APP: variants seen among roughly 807,000 people sequenced by gnomAD.
APP encodes amyloid-beta precursor protein.
In APP, 31 loss-of-function variants were observed where a neutral mutation model predicts 101.4. The observed-to-expected ratio is 0.31, with a 90% confidence interval of 0.23 to 0.41. The LOEUF is 0.41. Ranked by LOEUF, APP falls within the 10% of genes least tolerant of loss-of-function variation. The pLI is 1.00. For synonymous variants in APP, 366 were observed against 364.4 expected, an observed-to-expected ratio of 1.00 and a Z score of -0.05; for missense variants, 839 against 1,003.7, an observed-to-expected ratio of 0.84 and a Z score of 2.22.
chr21:26,043,857 T>C (rs1388346984), intron 5 of APP, among the ~76,000 whole-genome samples: 4 of 3,616 alleles, frequency 1.1e-3, no homozygotes, highest in African/African-American at 4.7e-3. Context: ...TATCCATTCA[T>C]AGAGAAAAAG....
chr21:26,063,869 A>C (rs1330381899), intron 3 of APP, among the ~76,000 whole-genome samples: 3 of 152,236 alleles, frequency 2.0e-5, no homozygotes, highest in Admixed American at 6.5e-5. Flanking sequence ...GTAATTTTCA[A>C]GTGGAGAAAC....
chr21:25,887,983 TC>T (rs2037450431), intron 17 of APP, among the ~76,000 whole-genome samples: 1 of 152,162 alleles, frequency 6.6e-6, no homozygotes, highest in South Asian at 2.1e-4. Flanking sequence ...TTCCTAGGGT[TC>T]CTATCTCTGT....
chr21:26,015,096 CAT>C (rs1375762703), intron 6 of APP, among the ~76,000 whole-genome samples: 2 of 152,152 alleles, frequency 1.3e-5, no homozygotes, highest in African/African-American at 2.4e-5. Context: ...TTAATCATAA[CAT>C]AATGTTCTCT....
Position 26,170,770 on chromosome 21 carries a change from C to T in APP, c.-150G>A. On this transcript the variant is annotated 5_prime_UTR_variant, in exon 1 of 18. Transcript: ENST00000346798. Reference sequence around the variant, plus strand: ...CGCCTACCGCTGCCGAGGAAACTGACGGAGCCCGAGCGCGGCGGCGGGGCT... The same window carrying T: ...CGCCTACCGCTGCCGAGGAAACTGATGGAGCCCGAGCGCGGCGGCGGGGCT... The T allele has an allele frequency of 1.2e-6, 1 of 835,986 alleles. No homozygotes were observed. The highest frequency in any genetic ancestry group is 1.7e-6 in the Non-Finnish European group (1 of 586,198). The allele number at this position is 835,986 out of a possible 1,614,324, so 51.8% of individuals were successfully genotyped here.
At chr21:26,105,202 A>G (rs1246769971) in intron 2 of APP, among the ~76,000 whole-genome samples, 2 of 152,170 alleles carry the variant, frequency 1.3e-5, no homozygotes, top group African/African-American at 4.8e-5. Flanking sequence ...GTTCAATAAT[A>G]AGAAAAACAT....
At chr21:26,088,229 A>T (rs1228596784) in intron 3 of APP, among the ~76,000 whole-genome samples, 1 of 152,198 alleles carries the variant, frequency 6.6e-6, no homozygotes, top group Non-Finnish European at 1.5e-5. Context: ...GGTTCAAAGG[A>T]TATTTGCTAC....
chr21:25,999,866 C>G, intron 7 of APP, 149 bp downstream of exon 7: 1 of 907,110 alleles, frequency 1.1e-6, no homozygotes, highest in South Asian at 1.4e-5. Flanking sequence ...ACTGCGGAGA[C>G]TCTGAGCAAT....
chr21:26,117,319 T>A (rs1698084669), intron 1 of APP, among the ~76,000 whole-genome samples: 1 of 152,284 alleles, frequency 6.6e-6, no homozygotes, highest in South Asian at 2.1e-4. Flanking sequence ...TTCTCCATTG[T>A]CAAATGTAAA....
Position 26,099,168 on chromosome 21 carries a change from G to GA in APP, c.226-9097dup, listed in dbSNP as rs781673242. On this transcript the variant is annotated intron_variant, in intron 2 of 17. Coordinates refer to ENST00000346798, the MANE Select transcript of APP (RefSeq NM_000484.4). ...AAATTTATAACTGCATGTGAAAAAG[G>GA]AAAAAAAAAAAAACCCAGATCCAAA... Among the ~76,000 whole-genome samples the GA allele has an allele frequency of 2.6e-3, 359 of 135,946 alleles. 2 individuals carry two copies. Among genetic ancestry groups the GA allele is most frequent in the Admixed American group, 4.7e-3 (65 of 13,696 alleles). The allele number at this position is 135,946 out of a possible 152,430, so 89.2% of individuals were successfully genotyped here. A position where few individuals can be genotyped will look rare whatever the true frequency, so the allele number is the denominator to read the frequency against.
intron 5 of APP, among the ~76,000 whole-genome samples, chr21:26,048,024 T>C (rs1224159609): frequency 2.6e-5 from 4 of 151,918 alleles, no homozygotes; most frequent in East Asian, 1.9e-4. Context: ...TATTAGAAAA[T>C]GAAAAAGTAA....
chr21:26,131,139 G>C (rs945960547), intron 1 of APP, among the ~76,000 whole-genome samples: 2 of 152,120 alleles, frequency 1.3e-5, no homozygotes, highest in African/African-American at 4.8e-5. Context: ...TGAGGCAGGA[G>C]AATCGCTTGA....
At chr21:26,035,565 T>A (rs1276896110) in intron 5 of APP, among the ~76,000 whole-genome samples, 2 of 152,230 alleles carry the variant, frequency 1.3e-5, no homozygotes, top group African/African-American at 2.4e-5. Flanking sequence ...TTATCAATTA[T>A]CCTCAGCATA....
At chr21:26,069,150 C>T (rs914849614) in intron 3 of APP, among the ~76,000 whole-genome samples, 3 of 152,114 alleles carry the variant, frequency 2.0e-5, no homozygotes, top group African/African-American at 7.2e-5. Context: ...CCCCGTTGAT[C>T]GATTTCCCCA....
At chr21:26,030,835 T>C (rs1802694828) in intron 5 of APP, among the ~76,000 whole-genome samples, 1 of 152,208 alleles carries the variant, frequency 6.6e-6, no homozygotes, top group Non-Finnish European at 1.5e-5. Context: ...GATCCATATA[T>C]ATTTTGGGTG....
chr21:26,162,718 C>T (rs775398652), intron 1 of APP, among the ~76,000 whole-genome samples: 3 of 150,230 alleles, frequency 2.0e-5, no homozygotes, highest in African/African-American at 7.4e-5. Flanking sequence ...ACACAAATGA[C>T]TTTTCTTTAT....
At chr21:26,047,301 G>C (rs2045650448) in intron 5 of APP, among the ~76,000 whole-genome samples, 1 of 152,172 alleles carries the variant, frequency 6.6e-6, no homozygotes, top group Non-Finnish European at 1.5e-5. Context: ...ATTGTTTCCA[G>C]GAAAATGGTA....
chr21:26,037,102 G>C (rs1352859821), intron 5 of APP, among the ~76,000 whole-genome samples: 1 of 152,192 alleles, frequency 6.6e-6, no homozygotes, highest in Admixed American at 6.5e-5. Context: ...CATATGTTAA[G>C]TGAAATAAGC....
At chr21:25,884,390 G>A (rs1274294767) in intron 17 of APP, among the ~76,000 whole-genome samples, 3 of 152,158 alleles carry the variant, frequency 2.0e-5, no homozygotes, top group African/African-American at 4.8e-5. Flanking sequence ...TCAAATGGAT[G>A]CTCAGCTTCA....
chr21:26,037,006 G>A (rs531073710), intron 5 of APP, among the ~76,000 whole-genome samples: 2 of 152,208 alleles, frequency 1.3e-5, no homozygotes, highest in South Asian at 2.1e-4. Context: ...GTGTCCGTGC[G>A]TGCATGCACG....
Sources: allele counts gnomAD v4.1 joint callset (sites outside exome capture counted in the v4.1 genomes callset), GRCh38; gene constraint gnomAD v4.1.1; transcripts MANE v1.5; gene names NCBI Gene and HGNC (gene_info 2026-07-23, HGNC 2026-07-21).